The following SLC5A7 variants were observed in gnomAD, a reference collection of about 807,000 sequenced individuals.
The protein encoded by SLC5A7 is solute carrier family 5 member 7.
In SLC5A7, 19 loss-of-function variants were observed where a neutral mutation model predicts 55.4. The ratio of observed to expected loss-of-function variants is 0.34; its 90% confidence interval spans 0.24 to 0.50. The LOEUF (loss-of-function observed/expected upper bound fraction) is 0.50. SLC5A7 is among the 20% of genes least tolerant of loss of function. The pLI is 0.98. For synonymous variants in SLC5A7, 265 were observed against 263.7 expected (o/e 1.00, Z -0.05); for missense variants, 506 against 705.3 (o/e 0.72, Z 3.20).
intron 8 of SLC5A7, 26 bp from the exon 9 acceptor site, chr2:108,010,206 G>A (rs772472467): frequency 1.9e-6 from 3 of 1,601,712 alleles, no homozygotes; most frequent in Non-Finnish European, 2.6e-6. Context: ...TGTGCAAAAA[G>A]CTGACACTGT....
At chr2:108,000,406 C>A (rs555614507) in intron 5 of SLC5A7, among the ~76,000 whole-genome samples, 1 of 151,934 alleles carries the variant, frequency 6.6e-6, no homozygotes, top group South Asian at 2.1e-4. Context: ...CCTACACACA[C>A]TTTTATATGG....
At chr2:107,997,758 C>G (rs1677723427) in intron 4 of SLC5A7, 80 bp from the exon 5 acceptor site, 6 of 1,330,188 alleles carry the variant, frequency 4.5e-6, no homozygotes, top group Non-Finnish European at 5.9e-6. Context: ...TTGTTTATCA[C>G]TGAACTTTCA....
chr2:107,990,100 G>A (rs1429263317), intron 2 of SLC5A7, among the ~76,000 whole-genome samples: 1 of 152,082 alleles, frequency 6.6e-6, no homozygotes, highest in African/African-American at 2.4e-5. Context: ...ATAAAGAATA[G>A]AGATAAAAAA....
rs1677402089 is a variant in SLC5A7, at chr2:107,990,260, C to T, written c.179-1846C>T. Among the ~76,000 whole-genome samples, 3 of 152,160 alleles carry T rather than the reference C, an allele frequency of 2.0e-5. No homozygotes were observed. In the South Asian group the frequency reaches 6.2e-4, roughly 32 times the overall value. On this transcript the variant is annotated intron_variant, in intron 2 of 8. Coordinates refer to ENST00000264047, the MANE Select transcript of SLC5A7 (RefSeq NM_021815.5). ...GGACTTTTAAATCTTAGTAAGTAGC[C>T]AAGCCCTCACTTCTATATCACAATA...
chr2:107,997,125 A>G (rs1329519944), intron 4 of SLC5A7, among the ~76,000 whole-genome samples: 2 of 152,230 alleles, frequency 1.3e-5, no homozygotes, highest in African/African-American at 4.8e-5. Context: ...TGTGTTTTTC[A>G]TAGATGTGAC....
At chr2:107,999,172 C>T (rs932654219) in intron 5 of SLC5A7, among the ~76,000 whole-genome samples, 1 of 152,180 alleles carries the variant, frequency 6.6e-6, no homozygotes, top group African/African-American at 2.4e-5. Flanking sequence ...ATTTAATTTG[C>T]TCAAGGACTC....
intron 8 of SLC5A7, among the ~76,000 whole-genome samples, chr2:108,009,408 C>T (rs780307337): frequency 1.6e-4 from 25 of 151,962 alleles, no homozygotes; most frequent in Non-Finnish European, 3.7e-4. Flanking sequence ...TGTATGTGTG[C>T]CATGGTGGTT....
Position 108,005,960 on chromosome 2 carries a change from A to G in SLC5A7, c.742-89A>G, listed in dbSNP as rs1485894400. 2.0e-6 allele frequency: 3 copies of G among 1,503,838 alleles called. No homozygotes were observed. The African/African-American group carries it at 4.1e-5, about 21-fold the overall frequency. The allele number at this position is 1,503,838 out of a possible 1,614,324, so 93.2% of individuals were successfully genotyped here. ...ATTTTTTTTACTACTTCTAAGTTGT[A>G]CTTAGGCCTATTCTAAATGTGATTG... On this transcript the variant is annotated intron_variant, in intron 6 of 8. Coordinates refer to ENST00000264047, the MANE Select transcript of SLC5A7 (RefSeq NM_021815.5).
intron 1 of SLC5A7, among the ~76,000 whole-genome samples, chr2:107,987,448 G>A (rs907957308): frequency 2.0e-5 from 3 of 152,164 alleles, no homozygotes; most frequent in Non-Finnish European, 4.4e-5. Context: ...AGAAGATCAA[G>A]AGAATGGATC....
rs1573618054 is a variant in SLC5A7, at chr2:108,010,408, C to G, written c.1290C>G (p.Thr430=). ...TTTGTGTACTCTTTGTTAAGGGAAC[C>G]AACACCTATGGGGCCGTGGCAGGTT... is the stretch of plus-strand genomic sequence containing the variant. ...QLLCVLFVKG[T]NTYGAVAGYV... The change falls in exon 9 of 9, where the codon ACC becomes ACG. Residue 430 remains threonine (T), a synonymous_variant. Coordinates refer to ENST00000264047, the MANE Select transcript of SLC5A7 (RefSeq NM_021815.5). 6 of 1,613,902 alleles carry G rather than the reference C, an allele frequency of 3.7e-6. No individual in the cohort carries two copies. The African/African-American group carries it at 4.0e-5, about 11-fold the overall frequency.
At chr2:107,999,792 T>C (rs1180279288) in intron 5 of SLC5A7, among the ~76,000 whole-genome samples, 3 of 152,134 alleles carry the variant, frequency 2.0e-5, no homozygotes, top group Non-Finnish European at 2.9e-5. Flanking sequence ...CTCTCCTTCT[T>C]GTAAGGGTTG....
chr2:107,994,385 C>T (rs1003491663), intron 4 of SLC5A7, among the ~76,000 whole-genome samples: 4 of 152,116 alleles, frequency 2.6e-5, no homozygotes, highest in Admixed American at 6.5e-5. Flanking sequence ...AGATCGAGAC[C>T]ATCCTGGCCA....
intron 5 of SLC5A7, among the ~76,000 whole-genome samples, chr2:108,000,554 A>T (rs1056962526): frequency 4.6e-5 from 7 of 152,102 alleles, no homozygotes; most frequent in African/African-American, 1.7e-4. Flanking sequence ...AACAGTGGCT[A>T]CCCAAAGTGC....
At chr2:107,989,314 G>T (rs751329940) in intron 2 of SLC5A7, among the ~76,000 whole-genome samples, 1 of 152,102 alleles carries the variant, frequency 6.6e-6, no homozygotes, top group Non-Finnish European at 1.5e-5. Context: ...TTTCAGTCCC[G>T]AAGGGCAATT....
chr2:108,013,350 A>G lies in SLC5A7; in HGVS notation c.*2489A>G, dbSNP rs942645705. On this transcript the variant is annotated 3_prime_UTR_variant, in exon 9 of 9. Transcript: ENST00000264047. ...AAAGACTAGTTTGTTATTAATCCACAAATATGCTAAATGTTAGCAAGATGA... is the reference window on the plus strand; with the variant it reads ...AAAGACTAGTTTGTTATTAATCCACGAATATGCTAAATGTTAGCAAGATGA... 4.6e-5 allele frequency: 7 copies of G among 152,242 alleles called. No individual in the cohort carries two copies. Among genetic ancestry groups the G allele is most frequent in the African/African-American group, 1.4e-4 (6 of 41,562 alleles). The allele number at this position is 152,242 out of a possible 1,614,324, so 9.4% of individuals were successfully genotyped here. A position where few individuals can be genotyped will look rare whatever the true frequency, so the allele number is the denominator to read the frequency against.
chr2:108,011,148 G>C lies in SLC5A7; in HGVS notation c.*287G>C, dbSNP rs1342346359. On this transcript the variant is annotated 3_prime_UTR_variant, in exon 9 of 9. Coordinates refer to ENST00000264047, the MANE Select transcript of SLC5A7 (RefSeq NM_021815.5). Reference sequence around the variant, plus strand: ...CACTTAGAGAACAAAGGGCCAAATAGAGTTTTTATATTTGTTATGATAAAA... The same window carrying C: ...CACTTAGAGAACAAAGGGCCAAATACAGTTTTTATATTTGTTATGATAAAA... 2.0e-5 allele frequency: 5 copies of C among 253,124 alleles called. No individual in the cohort carries two copies. In the East Asian group the frequency reaches 2.9e-4, roughly 15 times the overall value. The allele number at this position is 253,124 out of a possible 1,614,324, so 15.7% of individuals were successfully genotyped here. A position where few individuals can be genotyped will look rare whatever the true frequency, so the allele number is the denominator to read the frequency against.
chr2:108,001,924 C>A lies in SLC5A7; in HGVS notation c.625C>A (p.His209Asn), dbSNP rs763744412. 1.4e-5 allele frequency: 23 copies of A among 1,614,048 alleles called. No individual in the cohort carries two copies. The Admixed American group carries it at 3.8e-4, about 27-fold the overall frequency. Residue 209 changes from histidine to asparagine, a missense_variant, in exon 6 of 9, where the codon CAT (histidine) becomes AAT (asparagine). His to Asn is a moderately conservative substitution (Grantham distance 68). Around this residue, in one of 4 missense-constraint regions of SLC5A7, gnomAD observed 309 missense variants for 478.6 expected, o/e 0.65. Coordinates refer to ENST00000264047, the MANE Select transcript of SLC5A7 (RefSeq NM_021815.5). The part of the protein sequence containing the change: ...LWISVPFALS[H>N]PAVADIGFTA... The stretch of plus-strand genomic sequence containing the variant: ...GATCAGCGTCCCCTTTGCATTGTCA[C>A]ATCCTGCAGTCGCAGACATCGGGTT...
intron 3 of SLC5A7, 57 bp downstream of exon 3, chr2:107,992,276 A>G: frequency 1.0e-6 from 1 of 1,002,150 alleles, no homozygotes; most frequent in South Asian, 1.5e-5. Flanking sequence ...GAACAAGAGT[A>G]TAAATAACAA....
chr2:108,003,236 T>C (rs1441010242), intron 6 of SLC5A7, among the ~76,000 whole-genome samples: 1 of 152,212 alleles, frequency 6.6e-6, no homozygotes, highest in Non-Finnish European at 1.5e-5. Flanking sequence ...GGTTACATCA[T>C]AGAGAGGATG....
Sources: allele counts gnomAD v4.1 joint callset (sites outside exome capture counted in the v4.1 genomes callset), GRCh38; gene constraint gnomAD v4.1.1; regional missense constraint gnomAD v4.1.1; transcripts MANE v1.5; gene names NCBI Gene and HGNC (gene_info 2026-07-23, HGNC 2026-07-21).